The following PLCXD3 variants were observed in gnomAD, a reference collection of about 807,000 sequenced individuals.
PLCXD3 encodes phosphatidylinositol specific phospholipase C X domain containing 3, also known as PI-PLC X domain-containing protein 3.
PLCXD3 carries 19 observed loss-of-function variants against 25.5 expected under a neutral mutation model. That is an observed-to-expected ratio of 0.75 (90% CI 0.52 to 1.09). PLCXD3 has a LOEUF of 1.09. PLCXD3 is among the 50% of genes least tolerant of loss of function. The pLI is 0.00. For synonymous variants in PLCXD3, 174 were observed against 137.6 expected (o/e 1.26, Z -1.85); for missense variants, 411 against 388.1 (o/e 1.06, Z -0.50).
intron 1 of PLCXD3, among the ~76,000 whole-genome samples, chr5:41,475,161 C>G (rs1397593183): frequency 6.6e-6 from 1 of 152,148 alleles, no homozygotes; most frequent in Admixed American, 6.5e-5. Context: ...AAAGAAATAA[C>G]AAAATTATTC....
At chr5:41,456,856 C>T (rs60192268) in intron 1 of PLCXD3, among the ~76,000 whole-genome samples, 46 of 151,958 alleles carry the variant, frequency 3.0e-4, no homozygotes, top group African/African-American at 1.0e-3. Context: ...TCTCAGCCCC[C>T]CAAACTGTGA....
At chr5:41,333,577 C>T (rs899319036) in intron 2 of PLCXD3, among the ~76,000 whole-genome samples, 1 of 152,088 alleles carries the variant, frequency 6.6e-6, no homozygotes, top group Non-Finnish European at 1.5e-5. Flanking sequence ...AAATTCATCT[C>T]TGTGTAGGAA....
At chr5:41,474,605 T>C (rs1224631256) in intron 1 of PLCXD3, among the ~76,000 whole-genome samples, 1 of 152,206 alleles carries the variant, frequency 6.6e-6, no homozygotes, top group Non-Finnish European at 1.5e-5. Context: ...CTCCTAGTTG[T>C]ACTTCCAAAT....
chr5:41,509,866 A>T (rs957606401), intron 1 of PLCXD3, among the ~76,000 whole-genome samples: 1 of 152,080 alleles, frequency 6.6e-6, no homozygotes, highest in Non-Finnish European at 1.5e-5. Context: ...GGCAGCTATC[A>T]CGCCGCCTCT....
At chr5:41,372,277 T>TTC (rs745662352) in intron 2 of PLCXD3, among the ~76,000 whole-genome samples, 2,160 of 129,286 alleles carry the variant, frequency 0.017, 60 homozygotes, top group African/African-American at 0.046. Context: ...TATGTATTCA[T>TTC]TCTCTCTCTC....
In PLCXD3 at chr5:41,313,483, C is replaced by T. The variant is rs1005740927; in HGVS notation, c.*134G>A. ...TAATCACTGAAGAAACAGTTTTTCC[C>T]CTTTTCCCACCCACTACCAGCCCTA... On this transcript the variant is annotated 3_prime_UTR_variant, in exon 3 of 3. Transcript: ENST00000377801. 1.0e-5 allele frequency: 10 copies of T among 986,160 alleles called. No homozygotes were observed. In the East Asian group the frequency reaches 1.6e-4, roughly 16 times the overall value. The allele number at this position is 986,160 out of a possible 1,614,324, so 61.1% of individuals were successfully genotyped here.
chr5:41,406,051 C>T (rs1222848609), intron 1 of PLCXD3, among the ~76,000 whole-genome samples: 1 of 152,038 alleles, frequency 6.6e-6, no homozygotes, highest in Non-Finnish European at 1.5e-5. Flanking sequence ...CCTGCACAGC[C>T]TTTCTGGAAC....
rs189508257 is a variant in PLCXD3 at position 41,402,786 on chromosome 5, T to C, written c.104-20252A>G. Among the ~76,000 whole-genome samples the C allele has an allele frequency of 4.0e-4, 56 of 140,274 alleles. No individual in the cohort carries two copies. In the East Asian group the frequency reaches 7.9e-3, roughly 20 times the overall value. 92.0% of individuals were successfully genotyped at this position (140,274 alleles called of 152,430 possible). A position where few individuals can be genotyped will look rare whatever the true frequency, so the allele number is the denominator to read the frequency against. On this transcript the variant is annotated intron_variant, in intron 1 of 2. Coordinates refer to ENST00000377801, the MANE Select transcript of PLCXD3 (RefSeq NM_001005473.3). Reference sequence around the variant, plus strand: ...TGTGTCTTTTAATATGTTAATCTCTTTAATATGAAAAGTTTCTTTTTATCA... The same window carrying C: ...TGTGTCTTTTAATATGTTAATCTCTCTAATATGAAAAGTTTCTTTTTATCA...
At chr5:41,492,302 C>G (rs1748718471) in intron 1 of PLCXD3, among the ~76,000 whole-genome samples, 1 of 152,322 alleles carries the variant, frequency 6.6e-6, no homozygotes, top group African/African-American at 2.4e-5. Context: ...GCCGAGAGAT[C>G]CGCTGTTAGT....
chr5:41,351,033 A>G (rs1245046454), intron 2 of PLCXD3, among the ~76,000 whole-genome samples: 4 of 152,230 alleles, frequency 2.6e-5, no homozygotes, highest in Non-Finnish European at 5.9e-5. Context: ...TGGAGAAAGT[A>G]TTAAATTATG....
rs971395203 is a variant in PLCXD3 at position 41,311,681 on chromosome 5, C to T, written c.*1936G>A. ...TATGCTATTTGGTATACCACAGGTACATACACACTCCTCATAAACATTCTC... is the reference window on the plus strand; with the variant it reads ...TATGCTATTTGGTATACCACAGGTATATACACACTCCTCATAAACATTCTC... On this transcript the variant is annotated 3_prime_UTR_variant, in exon 3 of 3. Transcript: ENST00000377801. 6.6e-6 allele frequency: 1 copy of T among 152,130 alleles called. No homozygotes were observed. The highest frequency in any genetic ancestry group is 1.5e-5 in the Non-Finnish European group (1 of 68,004). The allele number at this position is 152,130 out of a possible 1,614,324, so 9.4% of individuals were successfully genotyped here. A position where few individuals can be genotyped will look rare whatever the true frequency, so the allele number is the denominator to read the frequency against.
At chr5:41,368,220 C>T (rs971084032) in intron 2 of PLCXD3, among the ~76,000 whole-genome samples, 3 of 152,064 alleles carry the variant, frequency 2.0e-5, no homozygotes, top group Non-Finnish European at 4.4e-5. Context: ...CTTTTTATGG[C>T]AATTATGAAT....
chr5:41,345,869 T>C (rs1744286852), intron 2 of PLCXD3, among the ~76,000 whole-genome samples: 1 of 133,332 alleles, frequency 7.5e-6, no homozygotes, highest in South Asian at 2.2e-4. Flanking sequence ...TTTTTCTTTT[T>C]TCTTTTCTTT....
chr5:41,497,534 A>G (rs1049572711), intron 1 of PLCXD3, among the ~76,000 whole-genome samples: 1 of 151,860 alleles, frequency 6.6e-6, no homozygotes, highest in Non-Finnish European at 1.5e-5. Context: ...ACCCAAATAT[A>G]TAAAGCAGTG....
At chr5:41,352,362 A>G (rs1442671112) in intron 2 of PLCXD3, among the ~76,000 whole-genome samples, 2 of 152,100 alleles carry the variant, frequency 1.3e-5, no homozygotes, top group African/African-American at 4.8e-5. Flanking sequence ...TCACCTGGCA[A>G]ATTTCTACTT....
In PLCXD3 at chr5:41,332,070, A is replaced by T. The variant is rs1743831283; in HGVS notation, c.813-18300T>A. On this transcript the variant is annotated intron_variant, in intron 2 of 2. Coordinates refer to ENST00000377801, the MANE Select transcript of PLCXD3 (RefSeq NM_001005473.3). Reference sequence around the variant, plus strand: ...TGTCTAAAACACGAAAAGCAATGGCAACAAAAGCCAAAATTGACAAATGGG... The same window carrying T: ...TGTCTAAAACACGAAAAGCAATGGCTACAAAAGCCAAAATTGACAAATGGG... Among the ~76,000 whole-genome samples, 6 of 152,224 alleles carry T rather than the reference A, an allele frequency of 3.9e-5. No homozygotes were observed. The South Asian group carries it at 1.2e-3, about 32-fold the overall frequency.
At chr5:41,365,409 A>T (rs1292878220) in intron 2 of PLCXD3, among the ~76,000 whole-genome samples, 1 of 152,212 alleles carries the variant, frequency 6.6e-6, no homozygotes, top group African/African-American at 2.4e-5. Flanking sequence ...TCCCTATGGC[A>T]TATGTCAACT....
At chr5:41,483,245 T>C (rs113664778) in intron 1 of PLCXD3, among the ~76,000 whole-genome samples, 48 of 152,310 alleles carry the variant, frequency 3.2e-4, no homozygotes, top group Middle Eastern at 3.4e-3. Context: ...AAGTTTACAG[T>C]AGATTAACAA....
chr5:41,313,844 C>T, intron 2 of PLCXD3, 74 bp from the exon 3 acceptor site: 1 of 1,451,994 alleles, frequency 6.9e-7, no homozygotes, highest in Non-Finnish European at 9.2e-7. Flanking sequence ...TCTCAGTCTT[C>T]CCTTTAGTTT....
Sources: allele counts gnomAD v4.1 joint callset (sites outside exome capture counted in the v4.1 genomes callset), GRCh38; gene constraint gnomAD v4.1.1; transcripts MANE v1.5; gene names NCBI Gene and HGNC (gene_info 2026-07-23, HGNC 2026-07-21).